NCR1: variants seen among roughly 807,000 people sequenced by gnomAD.
The protein encoded by NCR1 is natural cytotoxicity triggering receptor 1.
A neutral mutation model predicts 32.5 loss-of-function variants in NCR1; 30 were observed. The ratio of observed to expected loss-of-function variants is 0.92; its 90% confidence interval spans 0.69 to 1.25. The LOEUF (loss-of-function observed/expected upper bound fraction) is 1.25. Ranked by LOEUF, NCR1 falls within the 50% of genes most tolerant of loss-of-function variation. The pLI, the probability that NCR1 is intolerant of heterozygous loss-of-function variation, is 0.00. For missense variants in NCR1, 369 were observed against 380.7 expected (o/e 0.97, Z 0.26); for synonymous variants, 169 against 143.4 (o/e 1.18, Z -1.28).
the NCR1 span, among the ~76,000 whole-genome samples, chr19:54,935,025 A>C: frequency 6.6e-6 from 1 of 151,944 alleles, no homozygotes; most frequent in African/African-American, 2.4e-5. Context: ...TTCACTTCCC[A>C]AGACATTATG....
Position 54,906,647 on chromosome 19 carries a change from C to T in NCR1, c.195C>T (p.Ser65=), listed in dbSNP as rs1282479985. ...AVEYQLHFEG[S]LFAVDRPKPP... is the part of the protein sequence containing the mutation. ...AATACCAGCTGCACTTTGAAGGAAG[C>T]CTTTTTGCCGTGGACAGACCAAAAC... Residue 65 remains serine (S), a synonymous_variant, in exon 3 of 7, where the codon AGC becomes AGT. Transcript: ENST00000291890. 1.9e-6 allele frequency: 3 copies of T among 1,614,090 alleles called. No homozygotes were observed. The highest frequency in any genetic ancestry group is 2.5e-6 in the Non-Finnish European group (3 of 1,180,052).
downstream of NCR1, among the ~76,000 whole-genome samples, chr19:54,919,317 T>C (rs1430183797): frequency 2.0e-5 from 3 of 152,162 alleles, no homozygotes; most frequent in African/African-American, 7.2e-5. Flanking sequence ...CTGTTATTTA[T>C]TGGATACAAG....
At chr19:54,903,299 T>C (rs976526435), upstream of NCR1, among the ~76,000 whole-genome samples, 1 of 140,518 alleles carries the variant, frequency 7.1e-6, no homozygotes. Context: ...TATACACATA[T>C]ACGTATATGT....
At chr19:54,919,512 A>G (rs1477256301), downstream of NCR1, among the ~76,000 whole-genome samples, 1 of 152,244 alleles carries the variant, frequency 6.6e-6, no homozygotes, top group Admixed American at 6.5e-5. Flanking sequence ...TACTTTCCCT[A>G]ATTTACTACT....
chr19:54,916,404 C>T (rs991781993), downstream of NCR1, among the ~76,000 whole-genome samples: 8 of 147,968 alleles, frequency 5.4e-5, no homozygotes, highest in African/African-American at 2.5e-5. Context: ...CTGCAACCTC[C>T]GCCTCCCGGG....
the NCR1 span, among the ~76,000 whole-genome samples, chr19:54,899,241 C>A: frequency 2.0e-5 from 3 of 152,146 alleles, no homozygotes; most frequent in Non-Finnish European, 2.9e-5. Context: ...TATTTGGAAC[C>A]ACTGTCAAGT....
At chr19:54,920,694 G>T (rs1051399931), downstream of NCR1, among the ~76,000 whole-genome samples, 1 of 152,154 alleles carries the variant, frequency 6.6e-6, no homozygotes, top group Non-Finnish European at 1.5e-5. Context: ...AAGCATGTTT[G>T]GCATGCACCT....
chr19:54,903,423 T>C (rs1043948995), upstream of NCR1, among the ~76,000 whole-genome samples: 10 of 147,240 alleles, frequency 6.8e-5, 1 homozygote, highest in Admixed American at 6.3e-4. Context: ...CGCATACATG[T>C]ATGTATACAC....
At chr19:54,923,277 T>A in the NCR1 span, among the ~76,000 whole-genome samples, 1 of 152,184 alleles carries the variant, frequency 6.6e-6, no homozygotes, top group African/African-American at 2.4e-5. Flanking sequence ...GGCCCGTTTG[T>A]CAATGCGTGG....
At chr19:54,918,073 C>T (rs2068170526), downstream of NCR1, among the ~76,000 whole-genome samples, 1 of 151,794 alleles carries the variant, frequency 6.6e-6, no homozygotes, top group African/African-American at 2.4e-5. Context: ...TCTCCTGGGA[C>T]TACAGGCGCC....
chr19:54,906,281 A>G lies in NCR1; in HGVS notation c.35-18A>G. 1 of 1,614,116 alleles carries G rather than the reference A, an allele frequency of 6.2e-7. No individual in the cohort carries two copies. The highest frequency in any genetic ancestry group is 1.7e-5 in the Admixed American group (1 of 60,018). On this transcript the variant is annotated intron_variant, in intron 1 of 6. Transcript: ENST00000291890. ...GTGTGCCTGGGAGGCAACAGGTCTC[A>G]TTACTCCCGTCTTCCAGGGCTGTGT...
At chr19:54,916,360 A>G (rs2146106021), downstream of NCR1, among the ~76,000 whole-genome samples, 1 of 113,002 alleles carries the variant, frequency 8.8e-6, no homozygotes, top group East Asian at 2.2e-4. Context: ...CTGCTCTGTC[A>G]CCCAGGCTGG....
the NCR1 span, among the ~76,000 whole-genome samples, chr19:54,931,595 G>A: frequency 1.3e-5 from 2 of 152,102 alleles, no homozygotes; most frequent in African/African-American, 4.8e-5. Context: ...GGCTGAGGCA[G>A]GAGAATCTCT....
chr19:54,930,689 G>A, the NCR1 span: 6 of 1,609,454 alleles, frequency 3.7e-6, no homozygotes, highest in Non-Finnish European at 4.3e-6. Flanking sequence ...CAAAGGAAGA[G>A]AAGCCTGTTA....
At chr19:54,935,123 C>T in the NCR1 span, among the ~76,000 whole-genome samples, 1 of 152,160 alleles carries the variant, frequency 6.6e-6, no homozygotes, top group African/African-American at 2.4e-5. Context: ...CTTCAAGTAT[C>T]CCCATGGCCA....
At chr19:54,934,029 C>T in the NCR1 span, among the ~76,000 whole-genome samples, 31 of 152,278 alleles carry the variant, frequency 2.0e-4, no homozygotes, top group Middle Eastern at 6.8e-3. This position sits in a 1 kb window ranked among gnomAD's most constrained non-coding sequence, Gnocchi z 6.7. Context: ...TGCCAATCGC[C>T]GCCTCCCAGG....
chr19:54,931,657 C>T, the NCR1 span, among the ~76,000 whole-genome samples: 1 of 76,458 alleles, frequency 1.3e-5, no homozygotes, highest in Non-Finnish European at 2.3e-5. Context: ...CATTGCACTC[C>T]AGCCTGGGCA....
At position 54,906,199 on chromosome 19, in the gene NCR1, A is replaced by T. The variant is rs768399684; in HGVS notation, c.12A>T (p.Thr4=). The change falls in exon 1 of 7, where the codon ACA becomes ACT. Residue 4 remains threonine, a synonymous_variant. Transcript: ENST00000291890. ...GCAGAATCTGAGCGATGTCTTCCAC[A>T]CTCCCTGCCCTGCTCTGCGTCGGTG... MSS[T]LPALLCVGLC... is the part of the protein sequence containing the mutation. 19 of 1,613,416 alleles carry T rather than the reference A, an allele frequency of 1.2e-5. No homozygotes were observed. Among genetic ancestry groups the T allele is most frequent in the Non-Finnish European group, 1.7e-6 (2 of 1,179,960 alleles).
At chr19:54,916,898 CTGGT>C (rs1353999023), downstream of NCR1, among the ~76,000 whole-genome samples, 1 of 151,718 alleles carries the variant, frequency 6.6e-6, no homozygotes, top group Non-Finnish European at 1.5e-5. Context: ...ATAACCCACA[CTGGT>C]GGCCTTTGTT....
Sources: allele counts gnomAD v4.1 joint callset (sites outside exome capture counted in the v4.1 genomes callset), GRCh38; gene constraint gnomAD v4.1.1; non-coding constraint Gnocchi (gnomAD v3.1); transcripts MANE v1.5; gene names NCBI Gene and HGNC (gene_info 2026-07-23, HGNC 2026-07-21).